PRH1: variants seen among roughly 807,000 people sequenced by gnomAD.
PRH1 encodes the protein proline rich protein HaeIII subfamily 1, also known as salivary acidic proline-rich phosphoprotein 1/2.
PRH1 carries 7 observed loss-of-function variants against 7.9 expected under a neutral mutation model. That is an observed-to-expected ratio of 0.89 (90% CI 0.50 to 1.67). The LOEUF (loss-of-function observed/expected upper bound fraction) is 1.67, where lower values mean the gene tolerates loss of function less well. Ranked by LOEUF, PRH1 falls within the 40% of genes most tolerant of loss-of-function variation. PRH1 has a pLI of 0.00. For missense variants in PRH1, 109 were observed against 223.6 expected (o/e 0.49, Z 3.27); for synonymous variants, 45 against 80.8 (o/e 0.56, Z 2.38).
At chr12:11,031,816 C>A (rs955620005) in intron 1 of PRH1, among the ~76,000 whole-genome samples, 1 of 152,182 alleles carries the variant, frequency 6.6e-6, no homozygotes, top group Non-Finnish European at 1.5e-5. Flanking sequence ...GCTACAGAAA[C>A]GTTCTCCAAG....
chr12:10,986,387 A>G (rs199580646), intron 1 of PRH1: 1 of 1,614,078 alleles, frequency 6.2e-7, no homozygotes, highest in East Asian at 2.2e-5. Context: ...TGTTTCCTTC[A>G]TATTCTTCTG....
intron 1 of PRH1, among the ~76,000 whole-genome samples, chr12:11,003,971 C>A (rs916973918): frequency 3.9e-5 from 6 of 152,050 alleles, no homozygotes; most frequent in Non-Finnish European, 7.4e-5. Context: ...GGAGACTTCT[C>A]AACTTTAGCT....
At chr12:10,902,409 AAAG>A (rs1949736116) in intron 2 of PRH1, among the ~76,000 whole-genome samples, 1 of 152,192 alleles carries the variant, frequency 6.6e-6, no homozygotes, top group Admixed American at 6.5e-5. Flanking sequence ...CATTCCTGAG[AAAG>A]AAGGAGAAAT....
downstream of PRH1, among the ~76,000 whole-genome samples, chr12:11,120,294 T>G (rs977598626): frequency 1.3e-5 from 2 of 152,184 alleles, no homozygotes; most frequent in Admixed American, 6.5e-5. Flanking sequence ...ATAACTGAAA[T>G]CAATTTTATT....
intron 1 of PRH1, among the ~76,000 whole-genome samples, chr12:11,126,574 T>C (rs1565679372): frequency 6.6e-6 from 1 of 152,216 alleles, no homozygotes; most frequent in Non-Finnish European, 1.5e-5. Context: ...AACTCAGTGA[T>C]ATGCATGTGT....
intron 1 of PRH1, among the ~76,000 whole-genome samples, chr12:11,106,793 T>G (rs1945433795): frequency 1.3e-5 from 2 of 152,228 alleles, no homozygotes; most frequent in South Asian, 4.1e-4. Context: ...GTCTGAGACT[T>G]CATTTGACAA....
chr12:10,967,348 TTA>T (rs1254603137), intron 2 of PRH1, among the ~76,000 whole-genome samples: 1 of 152,136 alleles, frequency 6.6e-6, no homozygotes, highest in Non-Finnish European at 1.5e-5. Context: ...TCAAATAAAA[TTA>T]TAATGCACAC....
At chr12:11,154,058 AAT>A (rs1318722104) in intron 1 of PRH1, among the ~76,000 whole-genome samples, 3 of 152,202 alleles carry the variant, frequency 2.0e-5, no homozygotes, top group African/African-American at 4.8e-5. Context: ...AGTTTTGAAA[AAT>A]AGTATATAGT....
chr12:11,144,675 T>C (rs1238248234), intron 1 of PRH1, among the ~76,000 whole-genome samples: 9 of 152,218 alleles, frequency 5.9e-5, no homozygotes, highest in Admixed American at 5.9e-4. Context: ...TGGGGGGTTT[T>C]ACCCCCTGCT....
At chr12:10,923,914 T>C (rs1950086628) in intron 2 of PRH1, among the ~76,000 whole-genome samples, 1 of 152,096 alleles carries the variant, frequency 6.6e-6, no homozygotes, top group African/African-American at 2.4e-5. Context: ...AAAATTTTGC[T>C]AGTTATCACT....
intron 1 of PRH1, among the ~76,000 whole-genome samples, chr12:11,033,045 G>C (rs1160935049): frequency 6.6e-6 from 1 of 152,112 alleles, no homozygotes; most frequent in Non-Finnish European, 1.5e-5. Flanking sequence ...CGTCCTCCAA[G>C]ATGTAGAATT....
intron 2 of PRH1, among the ~76,000 whole-genome samples, chr12:10,963,692 C>T (rs919849491): frequency 3.3e-5 from 5 of 151,986 alleles, no homozygotes; most frequent in Non-Finnish European, 7.4e-5. Context: ...GTGTTTCTTT[C>T]TTCATCCCTA....
chr12:11,171,465 G>T (rs868203738), upstream of PRH1: 138 of 1,232,248 alleles, frequency 1.1e-4, no homozygotes, highest in Middle Eastern at 2.8e-3. Flanking sequence ...CACCCTGCTC[G>T]CCTTCTTCGA....
At chr12:10,898,679 A>G (rs73054361) in intron 2 of PRH1, among the ~76,000 whole-genome samples, 14,668 of 152,256 alleles carry the variant, frequency 0.096, 953 homozygotes, top group Non-Finnish European at 0.14. Flanking sequence ...GAGAGGGTCA[A>G]TAGAAAGCAT....
At chr12:11,152,771 G>A (rs746046293) in intron 1 of PRH1, among the ~76,000 whole-genome samples, 27 of 152,122 alleles carry the variant, frequency 1.8e-4, no homozygotes, top group Non-Finnish European at 2.8e-4. Flanking sequence ...TAGAATATTA[G>A]CAGAATGTAT....
chr12:11,041,682 T>C (rs1172958436), intron 1 of PRH1, among the ~76,000 whole-genome samples: 1 of 152,196 alleles, frequency 6.6e-6, no homozygotes. Context: ...TAAACATTCT[T>C]TTCCTCAGCA....
rs185430491 is a variant in PRH1, at chr12:10,929,280, C to T, written c.-59+44375G>A. Reference sequence around the variant, plus strand: ...CACCAGAGCCTTCTGCAAGATGCTTCTGATTCTGCTGTCAGTGGCCCTGCT... The same window carrying T: ...CACCAGAGCCTTCTGCAAGATGCTTTTGATTCTGCTGTCAGTGGCCCTGCT... On this transcript the variant is annotated intron_variant, in intron 2 of 3. Transcript: ENST00000539853. 1.9e-5 allele frequency: 31 copies of T among 1,614,176 alleles called. No homozygotes were observed. The Admixed American group carries it at 4.3e-4, about 23-fold the overall frequency.
intron 1 of PRH1, chr12:11,022,424 C>A: frequency 6.2e-7 from 1 of 1,614,088 alleles, no homozygotes. Context: ...ACCACCAGAG[C>A]AGTGAGAATT....
At chr12:11,060,711 T>C (rs1032180319) in intron 1 of PRH1, among the ~76,000 whole-genome samples, 8 of 152,180 alleles carry the variant, frequency 5.3e-5, no homozygotes, top group Admixed American at 1.3e-4. Context: ...CTGTTTATGG[T>C]AGACATAGTT....
Sources: gnomAD v4.1 joint callset for allele counts (sites outside exome capture counted in the v4.1 genomes callset) on GRCh38, gnomAD v4.1.1 for gene constraint, MANE v1.5 for transcripts, NCBI Gene and HGNC (gene_info 2026-07-23, HGNC 2026-07-21) for gene names.